ULK3: variants seen among roughly 807,000 people sequenced by gnomAD.
The protein encoded by ULK3 is unc-51 like kinase 3.
Under a neutral mutation model 69.4 loss-of-function variants are expected in ULK3, and 54 were observed. That is an observed-to-expected ratio of 0.78 (90% CI 0.63 to 0.98). ULK3 has a LOEUF of 0.98. ULK3 is among the 50% of genes least tolerant of loss of function. The pLI is 0.00. For missense variants in ULK3, 558 were observed against 627.7 expected, an observed-to-expected ratio of 0.89 and a Z score of 1.19; for synonymous variants, 240 against 254.5, an observed-to-expected ratio of 0.94 and a Z score of 0.54.
rs759259277 is a variant in ULK3 at position 74,839,377 on chromosome 15, G to C, written c.853-4C>G. ...CAGCCTGCACCACCAGGGCGGTCTG[G>C]GGATGGGCAGATCAGGGGTCAGGTC... is the stretch of plus-strand genomic sequence containing the variant. On this transcript the variant is annotated splice_polypyrimidine_tract_variant and splice_region_variant and intron_variant, in intron 7 of 15. Transcript: ENST00000440863. The C allele has an allele frequency of 1.7e-5, 27 of 1,557,336 alleles. No homozygotes were observed. The highest frequency in any genetic ancestry group is 1.9e-5 in the Admixed American group (1 of 51,690).
intron 8 of ULK3, 51 bp from the exon 9 acceptor site, chr15:74,839,101 C>T: frequency 6.4e-7 from 1 of 1,573,032 alleles, no homozygotes; most frequent in Non-Finnish European, 8.6e-7. Context: ...CTCCCTGCCC[C>T]ACAACGAACC....
chr15:74,841,947 C>T, intron 3 of ULK3, 128 bp downstream of exon 3: 1 of 1,465,386 alleles, frequency 6.8e-7, no homozygotes, highest in Non-Finnish European at 9.3e-7. Context: ...TAAACAGGAC[C>T]ATAAAATTTC....
rs1405166146 is a variant in ULK3, at chr15:74,839,038, G to C, written c.971C>G (p.Ala324Gly). The C allele has an allele frequency of 2.5e-6, 4 of 1,604,914 alleles. No individual in the cohort carries two copies. The South Asian group carries it at 4.5e-5, about 18-fold the overall frequency. The change falls in exon 9 of 16, where the codon GCC (alanine) becomes GGC (glycine). Residue 324 changes from alanine (A) to glycine (G), a missense_variant. Ala to Gly is a moderately conservative substitution (Grantham distance 60). Transcript: ENST00000440863. ...TGCCTTAATTGCCTCCTTCCGCTGG[G>C]CATCCACTTCATCTGCAGAAAGTGA... ...FVPALHYEVD[A>G]QRKEAIKAKV...
rs373429628 is a variant in ULK3, at chr15:74,841,527, C to T, written c.365-18G>A. On this transcript the variant is annotated intron_variant, in intron 3 of 15. Coordinates refer to ENST00000440863, the MANE Select transcript of ULK3 (RefSeq NM_001099436.4). Reference sequence around the variant, plus strand: ...GGCGCTAGCTGAGGAGCAGGACCCACGAAGAGAGACAGTTCAGAGCCCATT... The same window carrying T: ...GGCGCTAGCTGAGGAGCAGGACCCATGAAGAGAGACAGTTCAGAGCCCATT... The T allele has an allele frequency of 1.6e-5, 25 of 1,609,380 alleles. No individual in the cohort carries two copies. The highest frequency in any genetic ancestry group is 1.3e-4 in the Admixed American group (8 of 59,902).
rs781508639 is a variant in ULK3, at chr15:74,839,041, T to C, written c.968A>G (p.Asp323Gly). ...FFVPALHYEV[D>G]AQRKEAIKAK... ...CTTAATTGCCTCCTTCCGCTGGGCA[T>C]CCACTTCATCTGCAGAAAGTGAGGT... Residue 323 changes from aspartate (D) to glycine (G), a missense_variant, in exon 9 of 16, where the codon GAT (aspartate) becomes GGT (glycine). Asp to Gly is a moderately conservative substitution (Grantham distance 94, BLOSUM62 -1). Coordinates refer to ENST00000440863, the MANE Select transcript of ULK3 (RefSeq NM_001099436.4). 2.6e-5 allele frequency: 41 copies of C among 1,604,758 alleles called. No homozygotes were observed. Among genetic ancestry groups the C allele is most frequent in the Non-Finnish European group, 3.3e-5 (39 of 1,176,004 alleles).
At chr15:74,837,326 C>T (rs1003055289) in intron 15 of ULK3, 43 bp downstream of exon 15, 2 of 1,612,866 alleles carry the variant, frequency 1.2e-6, no homozygotes, top group African/African-American at 2.7e-5. Context: ...CCCCAGCCCT[C>T]ACCCCTCCTT....
chr15:74,838,074 A>C, intron 13 of ULK3, 78 bp downstream of exon 13: 1 of 1,531,910 alleles, frequency 6.5e-7, no homozygotes, highest in Non-Finnish European at 8.8e-7. Context: ...TCCAGAGGGA[A>C]CCCAAAGAGG....
Position 74,843,128 on chromosome 15 carries a change from G to A in ULK3, c.-23C>T. On this transcript the variant is annotated 5_prime_UTR_variant, in exon 1 of 16. Coordinates refer to ENST00000440863, the MANE Select transcript of ULK3 (RefSeq NM_001099436.4). ...CATTCCGGCCGCCTGCGCCCGCGCGGGCGCTTCCTCGCTGCGGGCGGCGGT... is the reference window on the plus strand; with the variant it reads ...CATTCCGGCCGCCTGCGCCCGCGCGAGCGCTTCCTCGCTGCGGGCGGCGGT... The A allele has an allele frequency of 3.2e-6, 4 of 1,253,626 alleles. No individual in the cohort carries two copies. Among genetic ancestry groups the A allele is most frequent in the Non-Finnish European group, 4.0e-6 (4 of 993,782 alleles). The allele number at this position is 1,253,626 out of a possible 1,614,324, so 77.7% of individuals were successfully genotyped here. A position where few individuals can be genotyped will look rare whatever the true frequency, so the allele number is the denominator to read the frequency against.
In ULK3 at chr15:74,842,499, CCT is replaced by C; in HGVS notation, c.103-81_103-80del. The C allele has an allele frequency of 6.2e-7, 1 of 1,607,468 alleles. No individual in the cohort carries two copies. Among genetic ancestry groups the C allele is most frequent in the Non-Finnish European group, 8.5e-7 (1 of 1,179,708 alleles). On this transcript the variant is annotated intron_variant, in intron 1 of 15. Coordinates refer to ENST00000440863, the MANE Select transcript of ULK3 (RefSeq NM_001099436.4). The surrounding 1 kb of genome is among the most constrained non-coding windows in gnomAD (Gnocchi z 4.9). The stretch of plus-strand genomic sequence containing the variant: ...TGACTGGAAAGGCTCTATCTGGTTC[CCT>C]CTGTTCCCCCACCCCGCCCCTCCCC...
In ULK3 at chr15:74,842,976, G is replaced by A. The variant is rs1355226638; in HGVS notation, c.102+28C>T. On this transcript the variant is annotated intron_variant, in intron 1 of 15. Transcript: ENST00000440863. This position sits in a 1 kb window ranked among gnomAD's most constrained non-coding sequence, Gnocchi z 4.9. ...CGGCACCAGCCGAGCTAGCTCGGGC[G>A]GGCACGGGGCCATCGGCCGGCACCC... 2.6e-6 allele frequency: 4 copies of A among 1,541,102 alleles called. No individual in the cohort carries two copies. Among genetic ancestry groups the A allele is most frequent in the Middle Eastern group, 1.9e-4 (1 of 5,224 alleles).
Position 74,842,208 on chromosome 15 carries a change from G to T in ULK3, c.244-13C>A. The T allele has an allele frequency of 6.2e-7, 1 of 1,614,008 alleles. No homozygotes were observed. Among genetic ancestry groups the T allele is most frequent in the Non-Finnish European group, 8.5e-7 (1 of 1,179,890 alleles). ...TGTCACTGTCCCACTGTGTTTAGAGGCAGAGAGGCGGCCTGAAGAGAGTGT... is the reference window on the plus strand; with the variant it reads ...TGTCACTGTCCCACTGTGTTTAGAGTCAGAGAGGCGGCCTGAAGAGAGTGT... On this transcript the variant is annotated splice_polypyrimidine_tract_variant and intron_variant, in intron 2 of 15. Transcript: ENST00000440863. The surrounding 1 kb of genome is among the most constrained non-coding windows in gnomAD (Gnocchi z 4.9).
Position 74,842,945 on chromosome 15 carries a change from C to T in ULK3, c.102+59G>A, listed in dbSNP as rs2064316534. On this transcript the variant is annotated intron_variant, in intron 1 of 15. Transcript: ENST00000440863. The surrounding 1 kb of genome is among the most constrained non-coding windows in gnomAD (Gnocchi z 4.9). ...ACTGTCGCTAACCTCTCAGAGTCTCCCCGGCCGGCACCAGCCGAGCTAGCT... is the reference window on the plus strand; with the variant it reads ...ACTGTCGCTAACCTCTCAGAGTCTCTCCGGCCGGCACCAGCCGAGCTAGCT... 1 of 1,513,778 alleles carries T rather than the reference C, an allele frequency of 6.6e-7. No homozygotes were observed. Among genetic ancestry groups the T allele is most frequent in the Non-Finnish European group, 8.9e-7 (1 of 1,124,832 alleles). The allele number at this position is 1,513,778 out of a possible 1,614,324, so 93.8% of individuals were successfully genotyped here.
In ULK3 at chr15:74,840,182, G is replaced by A. The variant is rs1350539328; in HGVS notation, c.696+52C>T. On this transcript the variant is annotated intron_variant, in intron 6 of 15. Coordinates refer to ENST00000440863, the MANE Select transcript of ULK3 (RefSeq NM_001099436.4). ...GTCAGAACGAGGTCTAAACCCTCAGGGCCCTGACTCCCTCTGCCCCCCAGT... is the reference window on the plus strand; with the variant it reads ...GTCAGAACGAGGTCTAAACCCTCAGAGCCCTGACTCCCTCTGCCCCCCAGT... 4 of 1,556,278 alleles carry A rather than the reference G, an allele frequency of 2.6e-6. No individual in the cohort carries two copies. The African/African-American group carries it at 4.1e-5, about 16-fold the overall frequency.
At chr15:74,839,899 G>A (rs372575352) in intron 6 of ULK3, among the ~76,000 whole-genome samples, 186 bp from the exon 7 acceptor site, 4 of 152,250 alleles carry the variant, frequency 2.6e-5, no homozygotes, top group African/African-American at 9.6e-5. Context: ...CTGGGCTCCC[G>A]GTGCACCCTC....
chr15:74,839,936 C>T (rs2064184476), intron 6 of ULK3, among the ~76,000 whole-genome samples: 1 of 152,138 alleles, frequency 6.6e-6, no homozygotes, highest in Non-Finnish European at 1.5e-5. Flanking sequence ...GAGCTAGAAT[C>T]GTGTTTCTGG....
chr15:74,837,308 C>G (rs906069452), intron 15 of ULK3, 61 bp downstream of exon 15: 6 of 1,612,206 alleles, frequency 3.7e-6, no homozygotes, highest in Non-Finnish European at 5.1e-6. Context: ...GGAGGCAGAA[C>G]CCAGGGCCCC....
At chr15:74,838,053 C>G in intron 13 of ULK3, 99 bp downstream of exon 13, 2 of 1,496,840 alleles carry the variant, frequency 1.3e-6, no homozygotes, top group South Asian at 2.5e-5. Flanking sequence ...AACACCCTGA[C>G]AGTGGGACAT....
chr15:74,839,467 T>G, intron 7 of ULK3, 91 bp downstream of exon 7: 1 of 1,540,382 alleles, frequency 6.5e-7, no homozygotes. Flanking sequence ...GCCCTCTGTC[T>G]CTGTTGGGTG....
intron 9 of ULK3, 30 bp from the exon 10 acceptor site, chr15:74,838,775 C>G: frequency 6.4e-7 from 1 of 1,563,440 alleles, no homozygotes; most frequent in Non-Finnish European, 8.7e-7. Context: ...TGAGGAGGGG[C>G]TGTCTCACCA....
Sources: gnomAD v4.1 joint callset for allele counts (sites outside exome capture counted in the v4.1 genomes callset) on GRCh38, gnomAD v4.1.1 for gene constraint, Gnocchi (gnomAD v3.1) non-coding constraint, MANE v1.5 for transcripts, NCBI Gene and HGNC (gene_info 2026-07-23, HGNC 2026-07-21) for gene names.